The following BRINP1 variants were observed in gnomAD, a reference collection of about 807,000 sequenced individuals.
BRINP1 encodes the protein BMP/retinoic acid-inducible neural-specific protein 1.
Under a neutral mutation model 72.9 loss-of-function variants are expected in BRINP1, and 17 were observed. The ratio of observed to expected loss-of-function variants is 0.23; its 90% confidence interval spans 0.16 to 0.35. The LOEUF (loss-of-function observed/expected upper bound fraction) is 0.35. BRINP1 is among the 10% of genes least tolerant of loss of function. The pLI is 1.00. For synonymous variants in BRINP1, 418 were observed against 378.5 expected (o/e 1.10, Z -1.21); for missense variants, 850 against 1,001.6 (o/e 0.85, Z 2.04).
intron 2 of BRINP1, among the ~76,000 whole-genome samples, chr9:119,299,727 T>C (rs955031878): frequency 6.6e-6 from 1 of 152,218 alleles, no homozygotes; most frequent in African/African-American, 2.4e-5. Context: ...ATGACAAGAT[T>C]TCCTTCTTTT....
rs368520268 is a variant in BRINP1, at chr9:119,367,438, C to T, written c.-51+1618G>A. ...CTTACCTTGAGAAAGTAACAGCTGC[C>T]GAGTCTGGAAGCCATGCTAACAGCA... is the stretch of plus-strand genomic sequence containing the variant. On this transcript the variant is annotated intron_variant, in intron 1 of 7. Transcript: ENST00000265922. Among the ~76,000 whole-genome samples the T allele has an allele frequency of 3.8e-4, 58 of 151,870 alleles. No homozygotes were observed. The East Asian group carries it at 6.3e-3, about 16-fold the overall frequency.
At chr9:119,329,061 C>T (rs992858061) in intron 1 of BRINP1, among the ~76,000 whole-genome samples, 1 of 152,044 alleles carries the variant, frequency 6.6e-6, no homozygotes, top group Non-Finnish European at 1.5e-5. Flanking sequence ...GAAATAGATG[C>T]CAAAGATAGA....
intron 2 of BRINP1, among the ~76,000 whole-genome samples, chr9:119,260,493 T>C (rs1377289085): frequency 1.3e-5 from 2 of 152,150 alleles, no homozygotes; most frequent in African/African-American, 2.4e-5. Context: ...TGATCAAAGA[T>C]TTATATATTG....
chr9:119,355,409 T>C (rs1270002213), intron 1 of BRINP1, among the ~76,000 whole-genome samples: 6 of 152,116 alleles, frequency 3.9e-5, no homozygotes, highest in Admixed American at 6.5e-5. Flanking sequence ...AGAAGGAAGG[T>C]ACTGTTGTTG....
At position 119,309,841 on chromosome 9, in the gene BRINP1, G is replaced by A. The variant is rs114986521; in HGVS notation, c.218+3297C>T. Among the ~76,000 whole-genome samples, 1,166 of 152,228 alleles carry A rather than the reference G, an allele frequency of 7.7e-3. 14 individuals are homozygous for A. Among genetic ancestry groups the A allele is most frequent in the African/African-American group, 0.027 (1,128 of 41,522 alleles). On this transcript the variant is annotated intron_variant, in intron 2 of 7. Coordinates refer to ENST00000265922, the MANE Select transcript of BRINP1 (RefSeq NM_014618.3). Reference sequence around the variant, plus strand: ...TGTGGGGATAGGAGGATATATGTTTGTAATCTATTGGGTTTTTTTGGTCAT... The same window carrying A: ...TGTGGGGATAGGAGGATATATGTTTATAATCTATTGGGTTTTTTTGGTCAT...
chr9:119,218,090 A>G (rs755177702), intron 5 of BRINP1, among the ~76,000 whole-genome samples: 10 of 152,018 alleles, frequency 6.6e-5, no homozygotes, highest in Admixed American at 3.9e-4. Flanking sequence ...CATCCCCATT[A>G]GAGAGTAGGC....
intron 5 of BRINP1, among the ~76,000 whole-genome samples, chr9:119,215,350 G>T (rs938370313): frequency 6.6e-6 from 1 of 152,208 alleles, no homozygotes; most frequent in Non-Finnish European, 1.5e-5. Flanking sequence ...GTGGTCTATT[G>T]TCTGTGGTGC....
chr9:119,304,248 G>T (rs1255334209), intron 2 of BRINP1, among the ~76,000 whole-genome samples: 1 of 152,144 alleles, frequency 6.6e-6, no homozygotes, highest in Non-Finnish European at 1.5e-5. Context: ...TTATTTTGCA[G>T]ATGGAGAAAT....
intron 2 of BRINP1, among the ~76,000 whole-genome samples, chr9:119,250,077 G>A (rs1442926572): frequency 1.1e-5 from 1 of 91,026 alleles, no homozygotes; most frequent in Non-Finnish European, 2.5e-5. Flanking sequence ...AGGAAGGAAG[G>A]AAGAAAGGAA....
chr9:119,366,931 A>C (rs1185610219), intron 1 of BRINP1, among the ~76,000 whole-genome samples: 2 of 151,824 alleles, frequency 1.3e-5, no homozygotes, highest in African/African-American at 4.8e-5. Context: ...GTGAATTAGG[A>C]AAGAGAGAAA....
At chr9:119,269,232 A>G (rs1325543780) in intron 2 of BRINP1, among the ~76,000 whole-genome samples, 3 of 152,122 alleles carry the variant, frequency 2.0e-5, no homozygotes, top group Non-Finnish European at 4.4e-5. Flanking sequence ...AATCACTATT[A>G]TTTTTACACA....
At chr9:119,229,405 C>T (rs900943991) in intron 5 of BRINP1, among the ~76,000 whole-genome samples, 3 of 151,970 alleles carry the variant, frequency 2.0e-5, no homozygotes, top group Admixed American at 6.6e-5. Context: ...AATAGAGGCT[C>T]GGAGGCTGCA....
intron 7 of BRINP1, among the ~76,000 whole-genome samples, chr9:119,173,328 T>C (rs1377044901): frequency 1.4e-5 from 2 of 147,178 alleles, no homozygotes; most frequent in Admixed American, 6.8e-5. Flanking sequence ...AGCATTCTTA[T>C]ACACCAACAA....
chr9:119,289,318 A>T (rs1830799835), intron 2 of BRINP1, among the ~76,000 whole-genome samples: 1 of 152,242 alleles, frequency 6.6e-6, no homozygotes, highest in African/African-American at 2.4e-5. Context: ...AAGCTAGAGG[A>T]TTGGTATTCT....
intron 1 of BRINP1, among the ~76,000 whole-genome samples, chr9:119,354,003 T>A (rs980414272): frequency 4.0e-5 from 6 of 151,892 alleles, no homozygotes; most frequent in Non-Finnish European, 7.4e-5. Context: ...AGGGAGAGAA[T>A]GAGGGAGAGA....
chr9:119,287,800 C>G (rs1324887064), intron 2 of BRINP1, among the ~76,000 whole-genome samples: 1 of 152,140 alleles, frequency 6.6e-6, no homozygotes, highest in Non-Finnish European at 1.5e-5. Flanking sequence ...CCTCAGATAT[C>G]TGGATTTTTT....
Position 119,258,175 on chromosome 9 carries a change from TA to T in BRINP1, c.219-9026del, listed in dbSNP as rs1830462468. On this transcript the variant is annotated intron_variant, in intron 2 of 7. Coordinates refer to ENST00000265922, the MANE Select transcript of BRINP1 (RefSeq NM_014618.3). Reference sequence around the variant, plus strand: ...TAGTTTTACTCTTATGCCAGCCTCATAGCAGTTCTGAAGGCTCTTACGGGGC... The same window carrying T: ...TAGTTTTACTCTTATGCCAGCCTCATGCAGTTCTGAAGGCTCTTACGGGGC... Among the ~76,000 whole-genome samples, 16 of 152,266 alleles carry T rather than the reference TA, an allele frequency of 1.1e-4. No homozygotes were observed. In the South Asian group the frequency reaches 3.3e-3, roughly 32 times the overall value.
At chr9:119,179,491 A>G (rs553851136) in intron 7 of BRINP1, among the ~76,000 whole-genome samples, 1 of 152,316 alleles carries the variant, frequency 6.6e-6, no homozygotes, top group South Asian at 2.1e-4. Context: ...GGGAAACTTC[A>G]AGAAGAAACC....
intron 2 of BRINP1, among the ~76,000 whole-genome samples, chr9:119,277,267 ACTC>A (rs765500844): frequency 1.3e-5 from 2 of 151,456 alleles, no homozygotes; most frequent in South Asian, 4.2e-4. Context: ...CTTTTTATCC[ACTC>A]CTCCTTCGCT....
Sources: allele counts gnomAD v4.1 joint callset (sites outside exome capture counted in the v4.1 genomes callset), GRCh38; gene constraint gnomAD v4.1.1; transcripts MANE v1.5; gene names NCBI Gene and HGNC (gene_info 2026-07-23, HGNC 2026-07-21).